GMPS: variants seen among roughly 807,000 people sequenced by gnomAD.
GMPS encodes guanosine monophosphate synthase, also known as GMP synthase [glutamine-hydrolyzing].
In GMPS, 15 loss-of-function variants were observed where a neutral mutation model predicts 77.9. The observed-to-expected ratio is 0.19, with a 90% CI of 0.13 to 0.30. GMPS has a LOEUF of 0.30. GMPS is among the 10% of genes least tolerant of loss of function. The pLI, the probability that GMPS is intolerant of heterozygous loss-of-function variation, is 1.00. For synonymous variants in GMPS, 224 were observed against 275.9 expected, an observed-to-expected ratio of 0.81 and a Z score of 1.86; for missense variants, 590 against 838.8, an observed-to-expected ratio of 0.70 and a Z score of 3.66.
chr3:155,931,668 C>A (rs1418675428), intron 12 of GMPS, 97 bp from the exon 13 acceptor site: 4 of 542,838 alleles, frequency 7.4e-6, no homozygotes, highest in African/African-American at 6.7e-5. Flanking sequence ...TTCAATGCAT[C>A]TTTTCTTTTT....
intron 12 of GMPS, among the ~76,000 whole-genome samples, chr3:155,929,031 T>C (rs1000576255): frequency 1.3e-5 from 2 of 151,554 alleles, no homozygotes; most frequent in Admixed American, 1.3e-4. Flanking sequence ...GCATGATTTA[T>C]AGTCGTTTGG....
At chr3:155,893,396 A>G (rs746319407) in intron 1 of GMPS, 122 bp from the exon 2 acceptor site, 16 of 629,500 alleles carry the variant, frequency 2.5e-5, no homozygotes, top group Non-Finnish European at 4.1e-5. Flanking sequence ...TTGGTAACTC[A>G]GAAAGTCCTA....
chr3:155,926,412 G>C (rs949765415), intron 12 of GMPS, among the ~76,000 whole-genome samples: 4 of 152,044 alleles, frequency 2.6e-5, no homozygotes, highest in Non-Finnish European at 5.9e-5. Context: ...TGGTTAAATG[G>C]AGACACTAGA....
intron 2 of GMPS, among the ~76,000 whole-genome samples, chr3:155,896,729 ATTTT>A (rs1020255894): frequency 1.5e-4 from 14 of 92,056 alleles, no homozygotes; most frequent in Non-Finnish European, 2.2e-4. Flanking sequence ...CCTTACTGAG[ATTTT>A]TTTTTTTTTT....
At chr3:155,874,901 CTTTTTTT>C (rs1171275758) in intron 1 of GMPS, among the ~76,000 whole-genome samples, 7 of 71,414 alleles carry the variant, frequency 9.8e-5, no homozygotes, top group African/African-American at 1.7e-4. Context: ...ACTTTGTTTT[CTTTTTTT>C]TTTTTTTTTT....
chr3:155,941,798 G>C lies in GMPS; in HGVS notation c.*4106G>C, dbSNP rs1755898749. On this transcript the variant is annotated 3_prime_UTR_variant, in exon 16 of 16. Coordinates refer to ENST00000496455, the MANE Select transcript of GMPS (RefSeq NM_003875.3). The stretch of plus-strand genomic sequence containing the variant: ...TTCTGGTATCTTTTTAATCACTGAA[G>C]GACTTTGACAGCAGTAATGGTGGCA... 1 of 217,630 alleles carries C rather than the reference G, an allele frequency of 4.6e-6. No homozygotes were observed. The highest frequency in any genetic ancestry group is 6.8e-5 in the East Asian group (1 of 14,604). 13.5% of individuals were successfully genotyped at this position (217,630 alleles called of 1,614,324 possible). A position where few individuals can be genotyped will look rare whatever the true frequency, so the allele number is the denominator to read the frequency against.
At position 155,916,199 on chromosome 3, in the gene GMPS, GT is replaced by G; in HGVS notation, c.1212+10del. ...CAGAAAGTTGAGAGAGGAGGTAAAA[GT>G]TTATGAAAACTTTTTCATAAAGTAG... On this transcript the variant is annotated splice_region_variant and intron_variant, in intron 9 of 15. Coordinates refer to ENST00000496455, the MANE Select transcript of GMPS (RefSeq NM_003875.3). The G allele has an allele frequency of 6.3e-7, 1 of 1,594,730 alleles. No homozygotes were observed.
chr3:155,892,601 C>T (rs1033098105), intron 1 of GMPS, among the ~76,000 whole-genome samples: 1 of 152,144 alleles, frequency 6.6e-6, no homozygotes, highest in South Asian at 2.1e-4. Flanking sequence ...TCCATGTATA[C>T]CTGACAGCAA....
intron 5 of GMPS, 50 bp from the exon 6 acceptor site, chr3:155,910,642 G>T: frequency 1.2e-6 from 1 of 849,008 alleles, no homozygotes; most frequent in Non-Finnish European, 1.8e-6. Flanking sequence ...TATTGCTTGA[G>T]TCTTTTCAGC....
In GMPS at chr3:155,910,892, A is replaced by C; in HGVS notation, c.720+7A>C. ...AGGCACGTCAAAAGTTTTGGTAAGC[A>C]AATTATTATCTGGAAGTCTACAAAT... On this transcript the variant is annotated splice_region_variant and intron_variant, in intron 6 of 15. Transcript: ENST00000496455. The C allele has an allele frequency of 6.5e-7, 1 of 1,548,166 alleles. No homozygotes were observed. The highest frequency in any genetic ancestry group is 8.8e-7 in the Non-Finnish European group (1 of 1,141,188).
chr3:155,879,388 C>T (rs1254145007), intron 1 of GMPS, among the ~76,000 whole-genome samples: 1 of 151,866 alleles, frequency 6.6e-6, no homozygotes, highest in African/African-American at 2.4e-5. Flanking sequence ...CCACCTCAGC[C>T]TCCCAAGTAG....
At chr3:155,928,847 C>T (rs1230411167) in intron 12 of GMPS, among the ~76,000 whole-genome samples, 6 of 151,636 alleles carry the variant, frequency 4.0e-5, no homozygotes, top group African/African-American at 1.5e-4. Flanking sequence ...TCATCCATGT[C>T]CTTACAAAGG....
intron 1 of GMPS, among the ~76,000 whole-genome samples, chr3:155,882,760 T>C (rs1754240796): frequency 6.6e-6 from 1 of 152,272 alleles, no homozygotes; most frequent in Non-Finnish European, 1.5e-5. Context: ...GGATTCTTTT[T>C]TTGTCATGAA....
rs896584410 is a variant in GMPS at position 155,940,142 on chromosome 3, ATC to A, written c.*2456_*2457del. 9.8e-6 allele frequency: 2 copies of A among 203,552 alleles called. No individual in the cohort carries two copies. Among genetic ancestry groups the A allele is most frequent in the African/African-American group, 4.6e-5 (2 of 43,718 alleles). 12.6% of individuals were successfully genotyped at this position (203,552 alleles called of 1,614,324 possible). ...GTTGCTTACCATCTACCTGGGACAC[ATC>A]TCTCTTTGATTAAATATATTCTTTT... On this transcript the variant is annotated 3_prime_UTR_variant, in exon 16 of 16. Transcript: ENST00000496455.
chr3:155,917,011 A>G lies in GMPS; in HGVS notation c.1212+819A>G, dbSNP rs562745970. Among the ~76,000 whole-genome samples the G allele has an allele frequency of 3.4e-5, 5 of 148,340 alleles. No homozygotes were observed. The East Asian group carries it at 7.9e-4, about 23-fold the overall frequency. The stretch of plus-strand genomic sequence containing the variant: ...TTTTTTTGAGACAGAGTCTCACTCT[A>G]TTGCCCAAGCTGGAGAGCAGTCATG... On this transcript the variant is annotated intron_variant, in intron 9 of 15. Coordinates refer to ENST00000496455, the MANE Select transcript of GMPS (RefSeq NM_003875.3).
chr3:155,919,211 T>A (rs1449325189), intron 9 of GMPS, 22 bp from the exon 10 acceptor site: 5 of 1,074,160 alleles, frequency 4.7e-6, no homozygotes, highest in Non-Finnish European at 7.0e-6. Context: ...TTTATATTGG[T>A]TGGCTTCTTT....
intron 1 of GMPS, 133 bp downstream of exon 1, chr3:155,871,030 C>G: frequency 2.6e-6 from 2 of 775,344 alleles, no homozygotes; most frequent in Non-Finnish European, 3.7e-6. Context: ...CGGGCAGCCA[C>G]GCGTCGTAGA....
rs570609181 is a variant in GMPS, at chr3:155,937,714, G to A, written c.*22G>A. On this transcript the variant is annotated 3_prime_UTR_variant, in exon 16 of 16. Coordinates refer to ENST00000496455, the MANE Select transcript of GMPS (RefSeq NM_003875.3). ...GTAATAAACTTCTTGTTCTATTAAA[G>A]TACCGTGTGCAGTTTAAATTGATTA... The A allele has an allele frequency of 1.0e-6, 1 of 973,900 alleles. No individual in the cohort carries two copies. Among genetic ancestry groups the A allele is most frequent in the Non-Finnish European group, 1.7e-6 (1 of 598,532 alleles). The allele number at this position is 973,900 out of a possible 1,614,324, so 60.3% of individuals were successfully genotyped here.
At position 155,881,782 on chromosome 3, in the gene GMPS, G is replaced by C; in HGVS notation, c.27+10885G>C. 2.0e-5 allele frequency among the ~76,000 whole-genome samples: 3 copies of C among 152,226 alleles called. 1 individual carries two copies. The East Asian group carries it at 5.8e-4, about 29-fold the overall frequency. ...AGTAGAAACATTAAGACTGCTTAAA[G>C]CAGCAGGGCCTGGTGGCTCACACCT... On this transcript the variant is annotated intron_variant, in intron 1 of 15. Transcript: ENST00000496455.
Sources: gnomAD v4.1 joint callset for allele counts (sites outside exome capture counted in the v4.1 genomes callset) on GRCh38, gnomAD v4.1.1 for gene constraint, MANE v1.5 for transcripts, NCBI Gene and HGNC (gene_info 2026-07-23, HGNC 2026-07-21) for gene names.